The following ANKRD44 variants were observed in gnomAD, a reference collection of about 807,000 sequenced individuals.
The protein encoded by ANKRD44 is serine/threonine-protein phosphatase 6 regulatory ankyrin repeat subunit B.
Under a neutral mutation model 116.0 loss-of-function variants are expected in ANKRD44, and 35 were observed. The ratio of observed to expected loss-of-function variants is 0.30; its 90% CI spans 0.23 to 0.40. ANKRD44 has a LOEUF of 0.40. ANKRD44 is among the 10% of genes least tolerant of loss of function. The pLI, the probability that ANKRD44 is intolerant of heterozygous loss-of-function variation, is 1.00. For missense variants in ANKRD44, 1,014 were observed against 1,242.6 expected, an observed-to-expected ratio of 0.82 and a Z score of 2.77; for synonymous variants, 435 against 461.8, an observed-to-expected ratio of 0.94 and a Z score of 0.74.
intron 4 of ANKRD44, 71 bp from the exon 5 acceptor site, chr2:197,126,108 T>TA: frequency 6.7e-7 from 1 of 1,495,604 alleles, no homozygotes; most frequent in Non-Finnish European, 9.3e-7. Context: ...GTAAGATGCT[T>TA]CACCAAACCC....
At chr2:197,016,072 AGC>A in intron 17 of ANKRD44, 1 of 472,378 alleles carries the variant, frequency 2.1e-6, no homozygotes, top group Admixed American at 2.4e-5. Flanking sequence ...TTGTCAGGAG[AGC>A]TGCAGGTTAC....
chr2:197,199,983 C>G (rs1190348174), intron 1 of ANKRD44, among the ~76,000 whole-genome samples: 1 of 152,142 alleles, frequency 6.6e-6, no homozygotes, highest in East Asian at 1.9e-4. Context: ...AGAAGTGCTA[C>G]CAGAGCCAAA....
chr2:197,086,304 T>C (rs1363335812), intron 13 of ANKRD44, among the ~76,000 whole-genome samples: 1 of 152,120 alleles, frequency 6.6e-6, no homozygotes, highest in Non-Finnish European at 1.5e-5. Flanking sequence ...TGTCTGAAAA[T>C]TCATCCCAAG....
chr2:196,991,113 G>C (rs142719886), intron 27 of ANKRD44, among the ~76,000 whole-genome samples: 1 of 152,098 alleles, frequency 6.6e-6, no homozygotes, highest in African/African-American at 2.4e-5. Flanking sequence ...GGGGAGGGAG[G>C]GGGAGACATT....
intron 1 of ANKRD44, among the ~76,000 whole-genome samples, chr2:197,225,275 A>G (rs1315482800): frequency 6.6e-6 from 1 of 152,224 alleles, no homozygotes; most frequent in Non-Finnish European, 1.5e-5. Context: ...TGTAGGTTTA[A>G]TAATTTGAAA....
chr2:197,269,361 C>T (rs2082833528), intron 1 of ANKRD44, among the ~76,000 whole-genome samples: 1 of 152,216 alleles, frequency 6.6e-6, no homozygotes, highest in Admixed American at 6.5e-5. Flanking sequence ...AACCAGAAGG[C>T]TGTTGCCTTG....
At chr2:197,216,770 A>G (rs1489017604) in intron 1 of ANKRD44, among the ~76,000 whole-genome samples, 1 of 151,948 alleles carries the variant, frequency 6.6e-6, no homozygotes, top group South Asian at 2.1e-4. Flanking sequence ...AACATTTCCA[A>G]CCTCACAAGC....
chr2:196,977,064 A>G (rs763092582), intron 21 of ANKRD44, among the ~76,000 whole-genome samples: 18 of 152,332 alleles, frequency 1.2e-4, no homozygotes, highest in Non-Finnish European at 2.4e-4. Context: ...TAAGAAAACA[A>G]TTCCCTTAAC....
At position 197,195,575 on chromosome 2, in the gene ANKRD44, C is replaced by T. The variant is rs146745909; in HGVS notation, c.28-8469G>A. ...CTCTATTCCTGGATGCAATTTTGGC[C>T]CAGCATCTTGGCCACTTTCCTTCAC... On this transcript the variant is annotated intron_variant, in intron 1 of 27. Transcript: ENST00000282272. Among the ~76,000 whole-genome samples the T allele has an allele frequency of 1.2e-4, 18 of 152,190 alleles. No homozygotes were observed. In the East Asian group the frequency reaches 3.5e-3, roughly 29 times the overall value.
At chr2:197,209,420 G>A (rs1462978579) in intron 1 of ANKRD44, among the ~76,000 whole-genome samples, 1 of 152,190 alleles carries the variant, frequency 6.6e-6, no homozygotes, top group Non-Finnish European at 1.5e-5. Context: ...GGTGGGATGG[G>A]AGTCGGAGAA....
chr2:197,278,530 T>C (rs2083167287), intron 1 of ANKRD44, among the ~76,000 whole-genome samples: 1 of 152,200 alleles, frequency 6.6e-6, no homozygotes, highest in African/African-American at 2.4e-5. Context: ...TTAATTTTTG[T>C]ATTTTTAGTA....
At position 197,122,670 on chromosome 2, in the gene ANKRD44, G is replaced by C. The variant is rs369062865; in HGVS notation, c.673C>G (p.Leu225Val). Residue 225 changes from leucine to valine, a missense_variant, in exon 7 of 28, where the codon CTC becomes GTC. Coordinates refer to ENST00000282272, the MANE Select transcript of ANKRD44 (RefSeq NM_001195144.2). ...SNGQINVVKH[L>V]LNLGVEIDEI... ...CTCACCTCCACCCCCAGGTTCAGGA[G>C]ATGCTTGACAACATTAATCTGTCCA... 1.9e-5 allele frequency: 31 copies of C among 1,613,992 alleles called. No individual in the cohort carries two copies. Among genetic ancestry groups the C allele is most frequent in the African/African-American group, 9.3e-5 (7 of 74,938 alleles).
chr2:197,051,907 T>A (rs1256059560), intron 16 of ANKRD44, among the ~76,000 whole-genome samples: 1 of 152,190 alleles, frequency 6.6e-6, no homozygotes. Flanking sequence ...AACAAAGAAT[T>A]ATCCTGTTCA....
At chr2:197,095,968 C>G (rs2078152121) in intron 10 of ANKRD44, among the ~76,000 whole-genome samples, 1 of 152,128 alleles carries the variant, frequency 6.6e-6, no homozygotes, top group South Asian at 2.1e-4. Context: ...TATGTTTATA[C>G]ATATTCATGT....
intron 16 of ANKRD44, among the ~76,000 whole-genome samples, chr2:197,072,881 C>T (rs2077590514): frequency 6.6e-6 from 1 of 152,158 alleles, no homozygotes. Flanking sequence ...ACTTCTTTTC[C>T]TGCCACTTCA....
chr2:197,113,054 G>A (rs1262707958), intron 8 of ANKRD44, among the ~76,000 whole-genome samples: 1 of 152,020 alleles, frequency 6.6e-6, no homozygotes, highest in Non-Finnish European at 1.5e-5. Context: ...AGAAATAATA[G>A]GATCTTTTCT....
At chr2:197,247,903 G>A (rs1390416405) in intron 1 of ANKRD44, among the ~76,000 whole-genome samples, 1 of 152,158 alleles carries the variant, frequency 6.6e-6, no homozygotes, top group East Asian at 1.9e-4. Flanking sequence ...GGTGAAGCGG[G>A]AAATGGCTGG....
chr2:197,253,687 T>C (rs1177601491), intron 1 of ANKRD44, among the ~76,000 whole-genome samples: 1 of 152,232 alleles, frequency 6.6e-6, no homozygotes, highest in African/African-American at 2.4e-5. Flanking sequence ...TGTAGGTGTT[T>C]AAATCACAGA....
At chr2:197,130,840 T>TA (rs762636255) in intron 4 of ANKRD44, among the ~76,000 whole-genome samples, 210 of 152,296 alleles carry the variant, frequency 1.4e-3, no homozygotes, top group Non-Finnish European at 2.2e-3. Flanking sequence ...AACTGTAAAA[T>TA]AAAATGCTTA....
Sources: allele counts gnomAD v4.1 joint callset (sites outside exome capture counted in the v4.1 genomes callset), GRCh38; gene constraint gnomAD v4.1.1; transcripts MANE v1.5; gene names NCBI Gene and HGNC (gene_info 2026-07-23, HGNC 2026-07-21).